Variants in KIF13A observed in about 807,000 individuals in gnomAD.
KIF13A encodes the protein kinesin family member 13A.
KIF13A carries 79 observed loss-of-function variants against 212.2 expected under a neutral mutation model. The observed-to-expected ratio is 0.37, with a 90% CI of 0.31 to 0.45. The LOEUF is 0.45. Among genes scored for constraint, KIF13A ranks in the 20% least tolerant of loss-of-function variants. The pLI is 1.00. For synonymous variants in KIF13A, 789 were observed against 808.6 expected (o/e 0.98, Z 0.41); for missense variants, 1,901 against 2,209.0 (o/e 0.86, Z 2.79).
rs778234437 is a variant in KIF13A, at chr6:17,771,199, G to T, written c.4496C>A (p.Ala1499Glu). 1 of 1,612,366 alleles carries T rather than the reference G, an allele frequency of 6.2e-7. No homozygotes were observed. The highest frequency in any genetic ancestry group is 1.7e-5 in the Admixed American group (1 of 59,778). ...LSQESMPPPQ[A>E]HNPGCIVPSG... ...GGGTACAATGCAGCCAGGGTTATGT[G>T]CCTGAGGTGGAGGCATGCTCTGCAA... is the stretch of plus-strand genomic sequence containing the variant. Residue 1499 changes from alanine (A) to glutamate (E), a missense_variant, in exon 38 of 39, where the codon GCA (alanine) becomes GAA (glutamate). Physicochemically the swap from Ala to Glu is moderately radical, Grantham distance 107. Around this residue, in one of 5 missense-constraint regions of KIF13A, gnomAD observed 687 missense variants for 759.1 expected, o/e 0.90. Transcript: ENST00000259711. The surrounding 1 kb of genome is among the most constrained non-coding windows in gnomAD (Gnocchi z 5.4).
In KIF13A at chr6:17,856,956, A is replaced by G. The variant is rs778577490; in HGVS notation, c.221-834T>C. Among the ~76,000 whole-genome samples, 1 of 152,196 alleles carries G rather than the reference A, an allele frequency of 6.6e-6. No individual in the cohort carries two copies. The highest frequency in any genetic ancestry group is 1.5e-5 in the Non-Finnish European group (1 of 68,032). Reference sequence around the variant, plus strand: ...TTAAGTACCTGTTTCCTCCACTGGCATGAGAGCTCCCTGATGCCCAAAACT... The same window carrying G: ...TTAAGTACCTGTTTCCTCCACTGGCGTGAGAGCTCCCTGATGCCCAAAACT... On this transcript the variant is annotated intron_variant, in intron 4 of 38. Transcript: ENST00000259711. The surrounding 1 kb of genome is among the most constrained non-coding windows in gnomAD (Gnocchi z 4.5).
chr6:17,846,860 C>G (rs933437666), intron 9 of KIF13A, among the ~76,000 whole-genome samples: 2 of 152,232 alleles, frequency 1.3e-5, no homozygotes, highest in East Asian at 1.9e-4. Context: ...CACAGCCATC[C>G]CCACAAGTGT....
At chr6:17,852,355 T>C (rs1013999033) in intron 6 of KIF13A, among the ~76,000 whole-genome samples, 7 of 152,184 alleles carry the variant, frequency 4.6e-5, no homozygotes, top group Non-Finnish European at 8.8e-5. Context: ...CCAAAAAACA[T>C]GCCAGATCAA....
rs1382070598 is a variant in KIF13A, at chr6:17,804,443, C to G, written c.2372G>C (p.Gly791Ala). Residue 791 changes from glycine to alanine, a missense_variant, in exon 20 of 39, where the codon GGG (glycine) becomes GCG (alanine). Transcript: ENST00000259711. ...GCATTCCAAGAATACATTCGCCACC[C>G]CGATGAGGTTGTGATTTTCTTGGGC... The part of the protein sequence containing the change: ...YEAQENHNLI[G>A]VANVFLECLF... 6.3e-7 allele frequency: 1 copy of G among 1,581,696 alleles called. No homozygotes were observed. The highest frequency in any genetic ancestry group is 2.3e-5 in the East Asian group (1 of 43,364).
At chr6:17,867,694 AC>A (rs1769550249) in intron 4 of KIF13A, among the ~76,000 whole-genome samples, 1 of 152,190 alleles carries the variant, frequency 6.6e-6, no homozygotes, top group South Asian at 2.1e-4. Flanking sequence ...CAAACAGACC[AC>A]CTGAATAGTA....
intron 9 of KIF13A, among the ~76,000 whole-genome samples, chr6:17,847,601 C>T (rs1422738563): frequency 4.6e-5 from 7 of 152,072 alleles, no homozygotes; most frequent in African/African-American, 1.7e-4. Flanking sequence ...CTAAACGAAA[C>T]CCTAAGTTAT....
intron 2 of KIF13A, among the ~76,000 whole-genome samples, chr6:17,901,916 G>C (rs13199534): frequency 0.052 from 7,873 of 152,252 alleles, 277 homozygotes; most frequent in Non-Finnish European, 0.078. Flanking sequence ...AGAATTGCTT[G>C]AACTCAGGAG....
chr6:17,770,788 C>T, intron 38 of KIF13A: 1 of 984,652 alleles, frequency 1.0e-6, no homozygotes, highest in Non-Finnish European at 1.2e-6. Flanking sequence ...ACTTCAGAAT[C>T]TAGGCAATAT....
intron 12 of KIF13A, among the ~76,000 whole-genome samples, chr6:17,831,960 G>A (rs990973472): frequency 1.3e-5 from 2 of 151,986 alleles, no homozygotes; most frequent in Non-Finnish European, 1.5e-5. Flanking sequence ...GGAGGAGACA[G>A]GCCATAAGAA....
At position 17,794,805 on chromosome 6, in the gene KIF13A, C is replaced by T; in HGVS notation, c.2943-101G>A. The T allele has an allele frequency of 8.3e-7, 1 of 1,204,468 alleles. No homozygotes were observed. Among genetic ancestry groups the T allele is most frequent in the East Asian group, 2.4e-5 (1 of 41,992 alleles). 74.6% of individuals were successfully genotyped at this position (1,204,468 alleles called of 1,614,324 possible). Reference sequence around the variant, plus strand: ...CACTGAGCACTTACTATGTGCTAGGCACTGTGCCATTTATCTTGTATAAGT... The same window carrying T: ...CACTGAGCACTTACTATGTGCTAGGTACTGTGCCATTTATCTTGTATAAGT... On this transcript the variant is annotated intron_variant, in intron 23 of 38. Coordinates refer to ENST00000259711, the MANE Select transcript of KIF13A (RefSeq NM_022113.6). The surrounding 1 kb of genome is among the most constrained non-coding windows in gnomAD (Gnocchi z 4.1).
intron 17 of KIF13A, among the ~76,000 whole-genome samples, chr6:17,810,898 C>T (rs1187960322): frequency 2.0e-5 from 3 of 152,166 alleles, no homozygotes; most frequent in African/African-American, 7.2e-5. Context: ...GATGAAGCTT[C>T]GCTTGCTGGC....
chr6:17,930,516 A>T (rs1474871726), intron 2 of KIF13A, among the ~76,000 whole-genome samples: 1 of 152,242 alleles, frequency 6.6e-6, no homozygotes, highest in East Asian at 1.9e-4. Context: ...AGCATTCAGA[A>T]GCTATCTTGC....
intron 18 of KIF13A, among the ~76,000 whole-genome samples, chr6:17,806,180 A>AAC (rs1762932691): frequency 6.6e-6 from 1 of 152,090 alleles, no homozygotes; most frequent in Non-Finnish European, 1.5e-5. Context: ...CGATCTGCCC[A>AAC]CCTTGGCCTG....
intron 2 of KIF13A, among the ~76,000 whole-genome samples, chr6:17,931,163 G>C (rs973155361): frequency 6.6e-6 from 1 of 152,180 alleles, no homozygotes; most frequent in African/African-American, 2.4e-5. Context: ...GCTATTTCTA[G>C]TGCTAGAGTT....
chr6:17,801,082 G>A (rs1351513849), intron 20 of KIF13A, among the ~76,000 whole-genome samples: 1 of 152,054 alleles, frequency 6.6e-6, no homozygotes, highest in African/African-American at 2.4e-5. Context: ...GAGTGAATAT[G>A]AAATGCTTCA....
intron 2 of KIF13A, among the ~76,000 whole-genome samples, chr6:17,962,040 T>TA (rs1248875765): frequency 3.3e-5 from 5 of 152,072 alleles, no homozygotes; most frequent in African/African-American, 9.7e-5. Flanking sequence ...GAAAATATGG[T>TA]AATAGGCTGG....
chr6:17,913,823 G>A (rs1251247654), intron 2 of KIF13A, among the ~76,000 whole-genome samples: 4 of 152,138 alleles, frequency 2.6e-5, no homozygotes, highest in African/African-American at 9.7e-5. Flanking sequence ...ACAGAAAGGC[G>A]GGCTGAGGAA....
In KIF13A at chr6:17,809,511, A is replaced by C. The variant is rs143698844; in HGVS notation, c.2001-581T>G. Reference sequence around the variant, plus strand: ...TCAGCCCCATGCCTTTAGCCTCCATAGCATTTGCCATAGTTAGAACTTTTC... The same window carrying C: ...TCAGCCCCATGCCTTTAGCCTCCATCGCATTTGCCATAGTTAGAACTTTTC... On this transcript the variant is annotated intron_variant, in intron 17 of 38. Coordinates refer to ENST00000259711, the MANE Select transcript of KIF13A (RefSeq NM_022113.6). The surrounding 1 kb of genome is among the most constrained non-coding windows in gnomAD (Gnocchi z 4.7). 4.3e-3 allele frequency among the ~76,000 whole-genome samples: 652 copies of C among 152,316 alleles called. 7 individuals carry two copies. The highest frequency in any genetic ancestry group is 0.014 in the African/African-American group (598 of 41,578).
In KIF13A at chr6:17,787,720, G is replaced by GC. The variant is rs1409488529; in HGVS notation, c.3361+55dup. 1.0e-6 allele frequency: 1 copy of GC among 974,850 alleles called. No homozygotes were observed. The highest frequency in any genetic ancestry group is 1.7e-6 in the Non-Finnish European group (1 of 600,258). 60.4% of individuals were successfully genotyped at this position (974,850 alleles called of 1,614,324 possible). Reference sequence around the variant, plus strand: ...AGTTAGGGGAAGAAAACGACCTACTGCCATTGTGTAAAAGTGAAAAAGCTA... The same window carrying GC: ...AGTTAGGGGAAGAAAACGACCTACTGCCCATTGTGTAAAAGTGAAAAAGCTA... On this transcript the variant is annotated intron_variant, in intron 27 of 38. Coordinates refer to ENST00000259711, the MANE Select transcript of KIF13A (RefSeq NM_022113.6). The surrounding 1 kb of genome is among the most constrained non-coding windows in gnomAD (Gnocchi z 4.6).
Sources: gnomAD v4.1 joint callset for allele counts (sites outside exome capture counted in the v4.1 genomes callset) on GRCh38, gnomAD v4.1.1 for gene constraint, gnomAD v4.1.1 regional missense constraint, Gnocchi (gnomAD v3.1) non-coding constraint, MANE v1.5 for transcripts, NCBI Gene and HGNC (gene_info 2026-07-23, HGNC 2026-07-21) for gene names.